CEP128: variants seen among roughly 807,000 people sequenced by gnomAD.
CEP128 encodes centrosomal protein 128kDa.
Under a neutral mutation model 156.7 loss-of-function variants are expected in CEP128, and 132 were observed. The ratio of observed to expected loss-of-function variants is 0.84; its 90% CI spans 0.73 to 0.97. The LOEUF is 0.97. Among genes scored for constraint, CEP128 ranks in the 50% least tolerant of loss-of-function variants. The pLI, the probability that CEP128 is intolerant of heterozygous loss-of-function variation, is 0.00. For missense variants in CEP128, 1,252 were observed against 1,281.9 expected, an observed-to-expected ratio of 0.98 and a Z score of 0.36; for synonymous variants, 469 against 448.9, an observed-to-expected ratio of 1.04 and a Z score of -0.57.
rs974312063 is a variant in CEP128 at position 80,645,420 on chromosome 14, T to C, written c.2807-64997A>G. ...CTCAAAGTTAGCAGCATACATTAAG[T>C]CTAAGTGAATGGTAAAAATGAAGAT... On this transcript the variant is annotated intron_variant, in intron 19 of 24. Coordinates refer to ENST00000555265, the MANE Select transcript of CEP128 (RefSeq NM_152446.5). Among the ~76,000 whole-genome samples, 3 of 152,094 alleles carry C rather than the reference T, an allele frequency of 2.0e-5. No homozygotes were observed. In the East Asian group the frequency reaches 5.8e-4, roughly 29 times the overall value.
intron 16 of CEP128, among the ~76,000 whole-genome samples, chr14:80,772,978 C>T (rs1900594713): frequency 6.6e-6 from 1 of 152,100 alleles, no homozygotes; most frequent in African/African-American, 2.4e-5. Flanking sequence ...TAACTAAAGG[C>T]GTAAGACAGC....
chr14:80,890,912 G>C (rs1336262736), intron 8 of CEP128, among the ~76,000 whole-genome samples: 2 of 152,022 alleles, frequency 1.3e-5, no homozygotes, highest in Admixed American at 1.3e-4. Flanking sequence ...TTCTCAGAAG[G>C]AGACACACAA....
chr14:80,916,196 C>A (rs745467348), intron 3 of CEP128, among the ~76,000 whole-genome samples: 3 of 152,170 alleles, frequency 2.0e-5, no homozygotes, highest in Non-Finnish European at 4.4e-5. Context: ...CAGAGAGGAA[C>A]ACATCCCTAC....
At chr14:80,737,355 G>C (rs1206740343) in intron 19 of CEP128, among the ~76,000 whole-genome samples, 2 of 151,964 alleles carry the variant, frequency 1.3e-5, no homozygotes, top group Non-Finnish European at 2.9e-5. Context: ...AGTGAGCCAA[G>C]ATTGTGCCAC....
chr14:80,570,110 C>T (rs1891075174), intron 20 of CEP128, among the ~76,000 whole-genome samples: 2 of 152,030 alleles, frequency 1.3e-5, no homozygotes, highest in Non-Finnish European at 2.9e-5. Flanking sequence ...GTACTTTTAA[C>T]ATATGTTCTT....
intron 21 of CEP128, among the ~76,000 whole-genome samples, chr14:80,541,860 T>C (rs1889777907): frequency 6.6e-6 from 1 of 152,214 alleles, no homozygotes. Flanking sequence ...GTTAAGAGCT[T>C]GGGCTCTTGA....
intron 21 of CEP128, among the ~76,000 whole-genome samples, chr14:80,549,643 AT>A (rs1255350022): frequency 6.6e-6 from 1 of 152,200 alleles, no homozygotes; most frequent in Non-Finnish European, 1.5e-5. Context: ...ATTTGGCCAG[AT>A]TTACATTATC....
chr14:80,786,126 A>AT (rs1264862486), intron 14 of CEP128, among the ~76,000 whole-genome samples: 1 of 152,214 alleles, frequency 6.6e-6, no homozygotes, highest in Non-Finnish European at 1.5e-5. Flanking sequence ...AGATTAAGTC[A>AT]GGAAAGGTTG....
chr14:80,821,606 C>T (rs201759153), intron 13 of CEP128, among the ~76,000 whole-genome samples: 21,304 of 71,088 alleles, frequency 0.3, 1,852 homozygotes, highest in East Asian at 0.54. Context: ...CACATACACA[C>T]ACACACACAC....
intron 9 of CEP128, among the ~76,000 whole-genome samples, chr14:80,841,946 C>T (rs1374632174): frequency 6.6e-6 from 1 of 151,428 alleles, no homozygotes; most frequent in African/African-American, 2.4e-5. Flanking sequence ...AGAGTGAGAC[C>T]CTCAAAAAAA....
chr14:80,851,359 G>C (rs996283226), intron 9 of CEP128, among the ~76,000 whole-genome samples: 6 of 152,216 alleles, frequency 3.9e-5, no homozygotes, highest in Admixed American at 3.3e-4. Context: ...AACTGAAGGG[G>C]CGATTTTAGA....
intron 13 of CEP128, chr14:80,830,440 G>T: frequency 5.2e-6 from 2 of 382,114 alleles, no homozygotes; most frequent in Admixed American, 4.4e-5. Flanking sequence ...ACAGATACAG[G>T]GAGGATTGAT....
chr14:80,919,258 C>G (rs1020980200), intron 2 of CEP128, among the ~76,000 whole-genome samples: 1 of 152,084 alleles, frequency 6.6e-6, no homozygotes, highest in Non-Finnish European at 1.5e-5. Flanking sequence ...TCAGACACTT[C>G]TAATACGTAG....
chr14:80,549,683 G>A (rs193283957), intron 21 of CEP128, among the ~76,000 whole-genome samples: 242 of 152,188 alleles, frequency 1.6e-3, no homozygotes, highest in African/African-American at 5.2e-3. Context: ...GTTGTACAGC[G>A]GCACTTTAGT....
chr14:80,954,444 TAC>T (rs1886552834), intron 2 of CEP128, among the ~76,000 whole-genome samples: 1 of 152,200 alleles, frequency 6.6e-6, no homozygotes, highest in Admixed American at 6.5e-5. Context: ...AAATTTGGAA[TAC>T]ACATATTTTA....
chr14:80,783,971 T>A (rs1327099628), intron 15 of CEP128, among the ~76,000 whole-genome samples: 1 of 152,202 alleles, frequency 6.6e-6, no homozygotes, highest in Non-Finnish European at 1.5e-5. Flanking sequence ...ACTCATAGAA[T>A]AGCTACATCA....
At chr14:80,626,940 C>A (rs72689095) in intron 19 of CEP128, among the ~76,000 whole-genome samples, 20,502 of 152,192 alleles carry the variant, frequency 0.13, 1,499 homozygotes, top group South Asian at 0.25. Context: ...CCCCCATCAC[C>A]ACCCCCAAAA....
chr14:80,659,402 GTACATGGAGC>G (rs1308198420), intron 19 of CEP128, among the ~76,000 whole-genome samples: 1 of 152,128 alleles, frequency 6.6e-6, no homozygotes, highest in Non-Finnish European at 1.5e-5. Context: ...TGCTTCCTGA[GTACATGGAGC>G]TTGGCACATA....
At chr14:80,957,533 A>G (rs113783404) in intron 2 of CEP128, among the ~76,000 whole-genome samples, 3,121 of 152,256 alleles carry the variant, frequency 0.02, 54 homozygotes, top group Non-Finnish European at 0.032. Context: ...TGTCCACTCT[A>G]TGTTGGGGAG....
Sources: allele counts gnomAD v4.1 joint callset (sites outside exome capture counted in the v4.1 genomes callset), GRCh38; gene constraint gnomAD v4.1.1; transcripts MANE v1.5; gene names NCBI Gene and HGNC (gene_info 2026-07-23, HGNC 2026-07-21).